Variants in RUNX1T1 observed in about 807,000 individuals in gnomAD.
RUNX1T1 encodes the protein protein CBFA2T1.
Under a neutral mutation model 62.8 loss-of-function variants are expected in RUNX1T1, and 4 were observed. The ratio of observed to expected loss-of-function variants is 0.06; its 90% CI spans 0.03 to 0.15. The LOEUF (loss-of-function observed/expected upper bound fraction) is 0.15. RUNX1T1 is among the 10% of genes least tolerant of loss of function. RUNX1T1 has a pLI of 1.00. For synonymous variants in RUNX1T1, 291 were observed against 286.0 expected, an observed-to-expected ratio of 1.02 and a Z score of -0.18; for missense variants, 508 against 754.3, an observed-to-expected ratio of 0.67 and a Z score of 3.82.
chr8:92,051,600 ACACTCT>A (rs1310497049), intron 1 of RUNX1T1, among the ~76,000 whole-genome samples: 13 of 145,366 alleles, frequency 8.9e-5, no homozygotes, highest in African/African-American at 3.4e-4. Context: ...ACACACACAC[ACACTCT>A]CTCTCTCTCT....
At chr8:92,071,539 C>T (rs990758845) in intron 2 of RUNX1T1, among the ~76,000 whole-genome samples, 1 of 151,404 alleles carries the variant, frequency 6.6e-6, no homozygotes, top group African/African-American at 2.4e-5. Flanking sequence ...GTGTGGTCCA[C>T]AAGGGGAGAG....
intron 1 of RUNX1T1, among the ~76,000 whole-genome samples, chr8:92,085,497 A>G (rs982101795): frequency 6.6e-6 from 1 of 152,228 alleles, no homozygotes; most frequent in Admixed American, 6.5e-5. Flanking sequence ...CTGTATCAAC[A>G]CACATAAATG....
intron 1 of RUNX1T1, among the ~76,000 whole-genome samples, chr8:92,095,994 C>T (rs1409982124): frequency 6.6e-6 from 1 of 152,222 alleles, no homozygotes. Flanking sequence ...CCTACTGAGT[C>T]TATAGAGCAG....
chr8:91,965,891 C>G (rs1188688343), intron 10 of RUNX1T1, among the ~76,000 whole-genome samples: 2 of 152,006 alleles, frequency 1.3e-5, no homozygotes, highest in Non-Finnish European at 2.9e-5. Context: ...ACACACTGCT[C>G]ATTTGTAAGG....
chr8:91,971,002 G>GT, intron 9 of RUNX1T1, 154 bp from the exon 11 acceptor site: 1 of 524,214 alleles, frequency 1.9e-6, no homozygotes, highest in Non-Finnish European at 3.2e-6. Flanking sequence ...ATTTCCCCTA[G>GT]CAGCTGGAAT....
intron 9 of RUNX1T1, 128 bp from the exon 11 acceptor site, chr8:91,970,976 G>A (rs180782472): frequency 3.1e-6 from 2 of 650,252 alleles, no homozygotes; most frequent in East Asian, 6.3e-5. Flanking sequence ...CTGGGCTCAA[G>A]TTATCCTCTG....
chr8:91,993,667 T>C (rs6988246), intron 5 of RUNX1T1, among the ~76,000 whole-genome samples: 4,988 of 152,138 alleles, frequency 0.033, 285 homozygotes, highest in African/African-American at 0.11. Context: ...AGCTGTAAAC[T>C]ATTACAGAAA....
chr8:91,974,076 CTCTCT>C (rs1225002590), intron 9 of RUNX1T1, among the ~76,000 whole-genome samples: 2 of 152,056 alleles, frequency 1.3e-5, no homozygotes, highest in African/African-American at 4.8e-5. Flanking sequence ...TCTTTCTCTA[CTCTCT>C]TAAGTCCCCA....
downstream of RUNX1T1, chr8:91,958,239 C>T (rs1809659831): frequency 4.9e-6 from 1 of 203,316 alleles, no homozygotes; most frequent in Non-Finnish European, 1.0e-5. Flanking sequence ...TCCTAAAGCA[C>T]ACAACCACAT....
intron 3 of RUNX1T1, among the ~76,000 whole-genome samples, chr8:92,013,174 A>C (rs530210596): frequency 6.6e-6 from 1 of 152,332 alleles, no homozygotes; most frequent in East Asian, 1.9e-4. Flanking sequence ...ACATGTTAAA[A>C]AAGCTTATTA....
At chr8:91,994,504 G>A (rs1818307470) in intron 5 of RUNX1T1, 6 of 452,582 alleles carry the variant, frequency 1.3e-5, no homozygotes, top group South Asian at 1.1e-4. Flanking sequence ...GCATTGTGGT[G>A]TAGTGGAAAG....
intron 1 of RUNX1T1, among the ~76,000 whole-genome samples, chr8:92,029,951 G>C (rs748201703): frequency 6.6e-6 from 1 of 152,088 alleles, no homozygotes; most frequent in Non-Finnish European, 1.5e-5. Flanking sequence ...CTAATGATCC[G>C]ATCAAGTCAT....
rs761044593 is a variant in RUNX1T1, at chr8:92,043,978, CAA to C, written c.7+18566_7+18567del. 3.1e-3 allele frequency among the ~76,000 whole-genome samples: 241 copies of C among 76,656 alleles called. 3 individuals are homozygous for C. Among genetic ancestry groups the C allele is most frequent in the African/African-American group, 8.0e-3 (143 of 17,782 alleles). 50.3% of individuals were successfully genotyped at this position (76,656 alleles called of 152,430 possible). On this transcript the variant is annotated intron_variant, in intron 1 of 10. Coordinates refer to ENST00000396218, the Ensembl canonical transcript of RUNX1T1. ...GGGCAACAAGAGTGAAACTCCGTCT[CAA>C]AAAAAAAAAAAAAAAAACCTTAAGC...
chr8:91,972,917 T>G (rs142234557), intron 9 of RUNX1T1, among the ~76,000 whole-genome samples: 1 of 152,212 alleles, frequency 6.6e-6, no homozygotes, highest in Non-Finnish European at 1.5e-5. Flanking sequence ...TCCAGTTTCA[T>G]AAAGACCTTT....
rs1349519026 is a variant in RUNX1T1, at chr8:92,005,389, T to G, written c.478-92A>C. On this transcript the variant is annotated intron_variant, in intron 4 of 10. Transcript: ENST00000396218. ...GCTTTTCGAACACTGGAGAAGAGTA[T>G]GCAATGCAGCTACATCAAAGGTCAA... The G allele has an allele frequency of 2.7e-6, 3 of 1,118,852 alleles. No individual in the cohort carries two copies. In the East Asian group the frequency reaches 7.7e-5, roughly 29 times the overall value. 69.3% of individuals were successfully genotyped at this position (1,118,852 alleles called of 1,614,324 possible). A position where few individuals can be genotyped will look rare whatever the true frequency, so the allele number is the denominator to read the frequency against.
At chr8:92,095,670 C>CAGGAGGGA (rs1837683739) in intron 1 of RUNX1T1, 2 of 994,952 alleles carry the variant, frequency 2.0e-6, no homozygotes, top group South Asian at 2.4e-5. Context: ...GAGACACAGG[C>CAGGAGGGA]AGGAGGGAAG....
chr8:92,004,037 A>C (rs1361602963), intron 5 of RUNX1T1, among the ~76,000 whole-genome samples: 2 of 152,222 alleles, frequency 1.3e-5, no homozygotes, highest in Non-Finnish European at 2.9e-5. Context: ...AACAGTATGT[A>C]AACTGGCTGG....
chr8:91,999,887 G>A (rs982928087), intron 5 of RUNX1T1, among the ~76,000 whole-genome samples: 2 of 152,222 alleles, frequency 1.3e-5, no homozygotes, highest in African/African-American at 4.8e-5. Flanking sequence ...ACTAAGGCGT[G>A]AGGAGTATGC....
intron 1 of RUNX1T1, among the ~76,000 whole-genome samples, chr8:92,077,556 A>G (rs1563913126): frequency 6.6e-6 from 1 of 152,082 alleles, no homozygotes; most frequent in Non-Finnish European, 1.5e-5. Flanking sequence ...GTTATTTCCA[A>G]TGTTTCTGTA....
Sources: allele counts gnomAD v4.1 joint callset (sites outside exome capture counted in the v4.1 genomes callset), GRCh38; gene constraint gnomAD v4.1.1; transcripts MANE v1.5; gene names NCBI Gene and HGNC (gene_info 2026-07-23, HGNC 2026-07-21).